Variants in TOX3 observed in about 807,000 individuals in gnomAD.
The protein encoded by TOX3 is TOX high mobility group box family member 3.
Under a neutral mutation model 64.3 loss-of-function variants are expected in TOX3, and 22 were observed. That is an observed-to-expected ratio of 0.34 (90% CI 0.24 to 0.49). The LOEUF is 0.49. Among genes scored for constraint, TOX3 ranks in the 20% least tolerant of loss-of-function variants. TOX3 has a pLI of 0.99. For missense variants in TOX3, 661 were observed against 714.4 expected, an observed-to-expected ratio of 0.93 and a Z score of 0.85; for synonymous variants, 291 against 273.6, an observed-to-expected ratio of 1.06 and a Z score of -0.63.
intron 6 of TOX3, among the ~76,000 whole-genome samples, chr16:52,440,718 G>A (rs759547117): frequency 7.5e-6 from 1 of 133,168 alleles, no homozygotes; most frequent in Non-Finnish European, 1.6e-5. Flanking sequence ...TTCCTTATCT[G>A]TAACATTGGG....
intron 3 of TOX3, among the ~76,000 whole-genome samples, chr16:52,454,051 A>T (rs1043529959): frequency 6.6e-6 from 1 of 152,138 alleles, no homozygotes; most frequent in Non-Finnish European, 1.5e-5. Context: ...CAGGCCCCCA[A>T]GCTAGCTAGT....
intron 1 of TOX3, among the ~76,000 whole-genome samples, chr16:52,485,214 GTA>G (rs1383080368): frequency 1.5e-5 from 2 of 132,818 alleles, no homozygotes; most frequent in Non-Finnish European, 3.1e-5. Context: ...ATGTGTGTGT[GTA>G]TATACATGTG....
rs561039814 is a variant in TOX3, at chr16:52,473,362, T to C, written c.88-4788A>G. On this transcript the variant is annotated intron_variant, in intron 1 of 6. Transcript: ENST00000219746. ...CAGCTAAATGGCACAAACTTAATCC[T>C]AAAAAAAAAAAAGATAATCCTTCGA... is the stretch of plus-strand genomic sequence containing the variant. 1.6e-4 allele frequency among the ~76,000 whole-genome samples: 23 copies of C among 145,478 alleles called. 1 individual carries two copies. The South Asian group carries it at 5.0e-3, about 32-fold the overall frequency.
intron 1 of TOX3, among the ~76,000 whole-genome samples, chr16:52,493,077 T>C (rs2151459031): frequency 6.6e-6 from 1 of 152,240 alleles, no homozygotes; most frequent in African/African-American, 2.4e-5. Context: ...CTGTGCTTAG[T>C]CAATATTCAT....
intron 1 of TOX3, among the ~76,000 whole-genome samples, chr16:52,481,000 A>G (rs1178166740): frequency 6.6e-6 from 1 of 152,052 alleles, no homozygotes; most frequent in East Asian, 1.9e-4. Flanking sequence ...AACATCCTAC[A>G]ATTCACGGGG....
Position 52,437,702 on chromosome 16 carries a change from C to T in TOX3, c.*1523G>A, listed in dbSNP as rs757100370. Among the ~76,000 whole-genome samples the T allele has an allele frequency of 2.7e-5, 4 of 149,140 alleles. No homozygotes were observed. Among genetic ancestry groups the T allele is most frequent in the East Asian group, 2.0e-4 (1 of 5,014 alleles). On this transcript the variant is annotated 3_prime_UTR_variant, in exon 7 of 7. Transcript: ENST00000219746. ...ATTAGCATTCACCATCTATTTTAAT[C>T]GCAATAACATTACAATACCCAGCTA...
chr16:52,533,511 G>A (rs1425371797), intron 1 of TOX3, among the ~76,000 whole-genome samples: 1 of 152,126 alleles, frequency 6.6e-6, no homozygotes, highest in African/African-American at 2.4e-5. Context: ...CTTTTCAACA[G>A]AGTTCAACAG....
chr16:52,543,947 C>T (rs886900856), intron 1 of TOX3, among the ~76,000 whole-genome samples: 7 of 152,100 alleles, frequency 4.6e-5, no homozygotes, highest in Admixed American at 3.3e-4. Flanking sequence ...CTATTATTCA[C>T]GGTTTGTAAA....
At chr16:52,448,340 C>T (rs973977881) in intron 4 of TOX3, among the ~76,000 whole-genome samples, 1 of 152,156 alleles carries the variant, frequency 6.6e-6, no homozygotes, top group Non-Finnish European at 1.5e-5. Context: ...AAGAGGTCCT[C>T]TTTAAGACAT....
intron 1 of TOX3, among the ~76,000 whole-genome samples, chr16:52,509,803 C>T (rs73588812): frequency 0.067 from 10,208 of 152,152 alleles, 817 homozygotes; most frequent in African/African-American, 0.18. Flanking sequence ...TTACAGCATA[C>T]CAACTTATTA....
chr16:52,439,356 A>C lies in TOX3; in HGVS notation c.1600T>G (p.Ser534Ala). 1 of 1,609,544 alleles carries C rather than the reference A, an allele frequency of 6.2e-7. No homozygotes were observed. Among genetic ancestry groups the C allele is most frequent in the Non-Finnish European group, 8.5e-7 (1 of 1,177,608 alleles). Residue 534 changes from serine (S) to alanine (A), a missense_variant, in exon 7 of 7, where the codon TCC becomes GCC. Coordinates refer to ENST00000219746, the MANE Select transcript of TOX3 (RefSeq NM_001080430.4). ...GATGTTATCTGAGAGGCGACAGGGG[A>C]GTGCTGCCGAGGAGAAGGCTGAGAC... ...HQSQPSPRQH[S>A]PVASQITSPI... is the part of the protein sequence containing the mutation.
At chr16:52,487,193 T>C (rs1244941647) in intron 1 of TOX3, among the ~76,000 whole-genome samples, 4 of 151,844 alleles carry the variant, frequency 2.6e-5, no homozygotes, top group African/African-American at 9.7e-5. Flanking sequence ...ATGACAACAG[T>C]TGTACAACTC....
At chr16:52,540,206 C>G (rs1480635574) in intron 1 of TOX3, among the ~76,000 whole-genome samples, 5 of 151,184 alleles carry the variant, frequency 3.3e-5, no homozygotes, top group South Asian at 4.2e-4. Flanking sequence ...ACAGCAAGAC[C>G]CTATCTCTGC....
intron 1 of TOX3, among the ~76,000 whole-genome samples, chr16:52,512,124 A>G (rs1596844903): frequency 6.6e-6 from 1 of 152,338 alleles, no homozygotes; most frequent in South Asian, 2.1e-4. Flanking sequence ...CATCTTTAAG[A>G]TAGTTTGCCC....
chr16:52,492,929 C>T (rs997252339), intron 1 of TOX3, among the ~76,000 whole-genome samples: 6 of 150,758 alleles, frequency 4.0e-5, no homozygotes, highest in African/African-American at 1.5e-4. Flanking sequence ...CTCCAGCTTT[C>T]GTTCTGAGAA....
intron 1 of TOX3, among the ~76,000 whole-genome samples, chr16:52,506,733 CAAT>C (rs1403018593): frequency 3.3e-5 from 5 of 152,124 alleles, no homozygotes. Context: ...AGGCCTCCAA[CAAT>C]GAGATATCAC....
rs1959846282 is a variant in TOX3, at chr16:52,439,113, C to A, written c.*112G>T. 1 of 1,479,356 alleles carries A rather than the reference C, an allele frequency of 6.8e-7. No individual in the cohort carries two copies. 91.6% of individuals were successfully genotyped at this position (1,479,356 alleles called of 1,614,324 possible). ...TAGACACTTGAGAGGACCGTTTGAT[C>A]TGTTACACATTTCTGCATAACCAAC... On this transcript the variant is annotated 3_prime_UTR_variant, in exon 7 of 7. Transcript: ENST00000219746.
At chr16:52,532,890 A>T (rs1028538975) in intron 1 of TOX3, among the ~76,000 whole-genome samples, 2 of 152,140 alleles carry the variant, frequency 1.3e-5, no homozygotes, top group African/African-American at 2.4e-5. Flanking sequence ...GAAGTCAAGG[A>T]CTCATCAGGG....
chr16:52,485,246 G>GTGTGTATATATATATATATATATA (rs1555484130), intron 1 of TOX3, among the ~76,000 whole-genome samples: 1 of 127,888 alleles, frequency 7.8e-6, no homozygotes, highest in African/African-American at 3.4e-5. Flanking sequence ...ATGTGTGTGT[G>GTGTGTATATATATATATATATATA]TATATATATA....
Sources: gnomAD v4.1 joint callset for allele counts (sites outside exome capture counted in the v4.1 genomes callset) on GRCh38, gnomAD v4.1.1 for gene constraint, MANE v1.5 for transcripts, NCBI Gene and HGNC (gene_info 2026-07-23, HGNC 2026-07-21) for gene names.